BCR: variants seen among roughly 807,000 people sequenced by gnomAD.
BCR encodes BCR activator of RhoGEF and GTPase, also known as breakpoint cluster region protein.
Under a neutral mutation model 138.6 loss-of-function variants are expected in BCR, and 58 were observed. That is an observed-to-expected ratio of 0.42 (90% CI 0.34 to 0.52). The LOEUF (loss-of-function observed/expected upper bound fraction) is 0.52, where lower values mean the gene tolerates loss of function less well. Among genes scored for constraint, BCR ranks in the 20% least tolerant of loss-of-function variants. BCR has a pLI of 0.06. For missense variants in BCR, 1,599 were observed against 1,727.2 expected, an observed-to-expected ratio of 0.93 and a Z score of 1.32; for synonymous variants, 786 against 730.1, an observed-to-expected ratio of 1.08 and a Z score of -1.23.
At chr22:23,209,936 G>T (rs1469383003) in intron 1 of BCR, among the ~76,000 whole-genome samples, 2 of 152,092 alleles carry the variant, frequency 1.3e-5, no homozygotes, top group Non-Finnish European at 2.9e-5. Flanking sequence ...CTACTCAATG[G>T]TATTTTTCAC....
chr22:23,317,810 C>T lies in BCR; in HGVS notation c.*2288C>T, dbSNP rs542435697. ...AGCGTTCTCCAGGAGGGGGACCTGG[C>T]TCTCCTTCTGCAATGCAGGCGAAGG... On this transcript the variant is annotated 3_prime_UTR_variant, in exon 23 of 23. Transcript: ENST00000305877. 2.1e-4 allele frequency: 25 copies of T among 121,498 alleles called. 4 individuals carry two copies. The highest frequency in any genetic ancestry group is 4.0e-4 in the Non-Finnish European group (25 of 62,318). The allele number at this position is 121,498 out of a possible 1,614,324, so 7.5% of individuals were successfully genotyped here. A position where few individuals can be genotyped will look rare whatever the true frequency, so the allele number is the denominator to read the frequency against.
At chr22:23,308,287 C>A (rs2073970273) in intron 16 of BCR, among the ~76,000 whole-genome samples, 1 of 152,078 alleles carries the variant, frequency 6.6e-6, no homozygotes. Context: ...CAGGTGGAAC[C>A]CAGGGAGGTG....
intron 18 of BCR, among the ~76,000 whole-genome samples, 186 bp downstream of exon 18, chr22:23,310,619 T>C (rs2073996953): frequency 6.6e-6 from 1 of 152,158 alleles, no homozygotes; most frequent in African/African-American, 2.4e-5. Context: ...AGGAATGTCC[T>C]TGCCACCTGG....
At chr22:23,236,286 A>G (rs896812762) in intron 1 of BCR, among the ~76,000 whole-genome samples, 10 of 152,140 alleles carry the variant, frequency 6.6e-5, no homozygotes, top group African/African-American at 2.2e-4. Flanking sequence ...CCTCCTCCCC[A>G]CCTGCAGCCT....
At chr22:23,266,371 G>T (rs1399412161) in intron 4 of BCR, among the ~76,000 whole-genome samples, 1 of 150,430 alleles carries the variant, frequency 6.6e-6, no homozygotes, top group Non-Finnish European at 1.5e-5. Flanking sequence ...TTATAGGCAT[G>T]AGCCACCGCA....
Position 23,181,827 on chromosome 22 carries a change from A to G in BCR, c.867A>G (p.Glu289=). The change falls in exon 1 of 23, where the codon GAA becomes GAG. Residue 289 remains glutamate (E), a synonymous_variant. Transcript: ENST00000305877. ...GCATCTACGTCGGGGGCATGATGGA[A>G]GGGGAGGGCAAGGGCCCGCTCCTGC... is the stretch of plus-strand genomic sequence containing the variant. ...YQSIYVGGMM[E]GEGKGPLLRS... is the part of the protein sequence containing the mutation. 1 of 1,611,416 alleles carries G rather than the reference A, an allele frequency of 6.2e-7. No individual in the cohort carries two copies. The highest frequency in any genetic ancestry group is 8.5e-7 in the Non-Finnish European group (1 of 1,179,846).
chr22:23,203,924 A>G (rs2072583312), intron 1 of BCR, among the ~76,000 whole-genome samples: 1 of 152,166 alleles, frequency 6.6e-6, no homozygotes, highest in Non-Finnish European at 1.5e-5. Flanking sequence ...CTACAAAGGG[A>G]AAGGGACTTG....
rs76005587 is a variant in BCR, at chr22:23,252,387, G to T, written c.1280-1412G>T. Among the ~76,000 whole-genome samples, 905 of 151,920 alleles carry T rather than the reference G, an allele frequency of 6.0e-3. 8 individuals are homozygous for T. Among genetic ancestry groups the T allele is most frequent in the African/African-American group, 0.021 (863 of 41,420 alleles). On this transcript the variant is annotated intron_variant, in intron 1 of 22. Coordinates refer to ENST00000305877, the MANE Select transcript of BCR (RefSeq NM_004327.4). ...CAAGGACCGTTCCTGACATCAAGAC[G>T]GTAACGGTAACATTTTGGGTTTCCC...
chr22:23,213,715 A>G (rs779405405), intron 1 of BCR, among the ~76,000 whole-genome samples: 1 of 152,084 alleles, frequency 6.6e-6, no homozygotes, highest in Non-Finnish European at 1.5e-5. Context: ...CTGTAGTCCT[A>G]GCTACTCAGG....
At chr22:23,213,858 A>G (rs5996492) in intron 1 of BCR, among the ~76,000 whole-genome samples, 1,909 of 149,836 alleles carry the variant, frequency 0.013, 32 homozygotes, top group African/African-American at 0.041. Flanking sequence ...AAAGAAGAAG[A>G]AGGAGGAGGA....
chr22:23,191,521 A>G (rs891936074), intron 1 of BCR, among the ~76,000 whole-genome samples: 3 of 152,214 alleles, frequency 2.0e-5, no homozygotes, highest in African/African-American at 4.8e-5. Context: ...CTTTAACGGT[A>G]TATTTGCAGC....
chr22:23,214,493 C>T (rs1252410235), intron 1 of BCR, among the ~76,000 whole-genome samples: 1 of 152,242 alleles, frequency 6.6e-6, no homozygotes, highest in African/African-American at 2.4e-5. Flanking sequence ...CCCAGCCTTC[C>T]ACCTCTGTGG....
At chr22:23,191,020 A>G (rs992035080) in intron 1 of BCR, among the ~76,000 whole-genome samples, 26 of 151,744 alleles carry the variant, frequency 1.7e-4, no homozygotes, top group African/African-American at 6.3e-4. Context: ...GTAGCCACAA[A>G]CTCTCGGGCT....
intron 1 of BCR, among the ~76,000 whole-genome samples, chr22:23,206,146 C>T (rs2072610409): frequency 6.6e-6 from 1 of 152,174 alleles, no homozygotes; most frequent in East Asian, 1.9e-4. Flanking sequence ...TGCTGCTTCC[C>T]AGGGCTGAAT....
chr22:23,262,534 C>T (rs2073373285), intron 4 of BCR, among the ~76,000 whole-genome samples: 1 of 152,212 alleles, frequency 6.6e-6, no homozygotes, highest in South Asian at 2.1e-4. Context: ...ACATGCTGCC[C>T]CCTCCATCTT....
At chr22:23,293,135 A>C (rs149398274) in intron 15 of BCR, among the ~76,000 whole-genome samples, 21 of 152,050 alleles carry the variant, frequency 1.4e-4, no homozygotes, top group Non-Finnish European at 2.1e-4. Context: ...TGAGTCACTT[A>C]GCCATTTGGC....
intron 1 of BCR, chr22:23,199,226 A>C: frequency 2.0e-6 from 1 of 509,784 alleles, no homozygotes; most frequent in South Asian, 1.4e-5. Flanking sequence ...AGATGGTGTG[A>C]GTGGCTCCAG....
intron 2 of BCR, among the ~76,000 whole-genome samples, chr22:23,260,627 G>T (rs1290784736): frequency 6.6e-6 from 1 of 152,228 alleles, no homozygotes; most frequent in Non-Finnish European, 1.5e-5. Flanking sequence ...GTGTCAGGCA[G>T]CTGCCCTTGG....
At chr22:23,215,177 A>G (rs771971011) in intron 1 of BCR, among the ~76,000 whole-genome samples, 1 of 152,178 alleles carries the variant, frequency 6.6e-6, no homozygotes, top group Non-Finnish European at 1.5e-5. Flanking sequence ...CTTCCTTTTT[A>G]AGGCTGAATA....
Sources: gnomAD v4.1 joint callset for allele counts (sites outside exome capture counted in the v4.1 genomes callset) on GRCh38, gnomAD v4.1.1 for gene constraint, MANE v1.5 for transcripts, NCBI Gene and HGNC (gene_info 2026-07-23, HGNC 2026-07-21) for gene names.